The following TBC1D8 variants were observed in gnomAD, a reference collection of about 807,000 sequenced individuals.
TBC1D8 encodes BUB2-like protein 1.
TBC1D8 carries 65 observed loss-of-function variants against 118.8 expected under a neutral mutation model. The observed-to-expected ratio is 0.55, with a 90% confidence interval of 0.45 to 0.67. The LOEUF (loss-of-function observed/expected upper bound fraction) is 0.67, where lower values mean the gene tolerates loss of function less well. Among genes scored for constraint, TBC1D8 ranks in the 30% least tolerant of loss-of-function variants. TBC1D8 has a pLI of 0.00. For missense variants in TBC1D8, 1,376 were observed against 1,471.2 expected (o/e 0.94, Z 1.06); for synonymous variants, 566 against 595.8 (o/e 0.95, Z 0.73).
chr2:101,022,334 A>G lies in TBC1D8; in HGVS notation c.2708T>C (p.Leu903Ser), dbSNP rs1680080621. The G allele has an allele frequency of 2.5e-6, 4 of 1,612,670 alleles. No homozygotes were observed. The African/African-American group carries it at 5.3e-5, about 22-fold the overall frequency. The change falls in exon 16 of 20, where the codon TTG (leucine) becomes TCG (serine). Residue 903 changes from leucine to serine, a missense_variant. Physicochemically the swap from Leu to Ser is moderately radical, Grantham distance 145. Coordinates refer to ENST00000409318, the MANE Select transcript of TBC1D8 (RefSeq NM_001330348.2). ...GATGAGCTGGTCCATGTTGTCATCC[A>G]AGAGCCTGAACGTCCTTTCGGCGAG... ...EILAERTFRL[L>S]DDNMDQLIEF...
chr2:101,015,461 AC>A (rs1366271834), intron 17 of TBC1D8, among the ~76,000 whole-genome samples: 2 of 152,228 alleles, frequency 1.3e-5, no homozygotes, highest in South Asian at 2.1e-4. Flanking sequence ...GCTTACTGTA[AC>A]TTTTTACTTT....
chr2:101,090,343 T>C lies in TBC1D8; in HGVS notation c.149A>G (p.Asp50Gly), dbSNP rs751641906. Reference protein sequence around the residue: ...RLTGRLVGALDAVLDSNARVA... With the variant: ...RLTGRLVGALGAVLDSNARVA... Reference sequence around the variant, plus strand: ...CCGTGCATTGGAATCCAACACTGCATCCAGAGCGCCGACCAGGCGACCTTC... The same window carrying C: ...CCGTGCATTGGAATCCAACACTGCACCCAGAGCGCCGACCAGGCGACCTTC... The change falls in exon 2 of 20, where the codon GAT (aspartate) becomes GGT (glycine). Residue 50 changes from aspartate (D) to glycine (G), a missense_variant. Asp to Gly is a moderately conservative substitution (Grantham distance 94). Coordinates refer to ENST00000409318, the MANE Select transcript of TBC1D8 (RefSeq NM_001330348.2). The C allele has an allele frequency of 6.2e-7, 1 of 1,613,924 alleles. No homozygotes were observed. The highest frequency in any genetic ancestry group is 8.5e-7 in the Non-Finnish European group (1 of 1,179,860).
intron 1 of TBC1D8, among the ~76,000 whole-genome samples, chr2:101,121,416 G>C (rs931322804): frequency 6.6e-6 from 1 of 152,322 alleles, no homozygotes; most frequent in Admixed American, 6.5e-5. Flanking sequence ...GCTCAGGGAG[G>C]CTCTGTAGCT....
chr2:101,063,408 G>A (rs1682861148), intron 2 of TBC1D8, among the ~76,000 whole-genome samples: 1 of 152,132 alleles, frequency 6.6e-6, no homozygotes, highest in Non-Finnish European at 1.5e-5. Context: ...CTATCACTGA[G>A]CTATAGTAAG....
intron 19 of TBC1D8, among the ~76,000 whole-genome samples, chr2:101,008,776 A>G (rs1322714540): frequency 6.6e-6 from 1 of 151,744 alleles, no homozygotes; most frequent in Non-Finnish European, 1.5e-5. Context: ...ACACCATTGC[A>G]CTCCAGCCTG....
chr2:101,092,455 C>T (rs921952275), intron 1 of TBC1D8, among the ~76,000 whole-genome samples: 2 of 152,110 alleles, frequency 1.3e-5, no homozygotes, highest in African/African-American at 2.4e-5. Flanking sequence ...TTGAAATTAA[C>T]GAGTATTCTG....
At chr2:101,148,534 G>C (rs1257762322) in intron 1 of TBC1D8, among the ~76,000 whole-genome samples, 1 of 152,162 alleles carries the variant, frequency 6.6e-6, no homozygotes, top group Non-Finnish European at 1.5e-5. Flanking sequence ...GAGAGAGAGA[G>C]CATGTATATG....
In TBC1D8 at chr2:101,123,534, G is replaced by C. The variant is rs182564337; in HGVS notation, c.127+27593C>G. On this transcript the variant is annotated intron_variant, in intron 1 of 19. Coordinates refer to ENST00000409318, the MANE Select transcript of TBC1D8 (RefSeq NM_001330348.2). ...AAACCAGTGTGCACGGCTAAGTCAT[G>C]TACCTGATCTCACCTGCCCCCGTGA... Among the ~76,000 whole-genome samples, 933 of 152,218 alleles carry C rather than the reference G, an allele frequency of 6.1e-3. 3 individuals are homozygous for C. The highest frequency in any genetic ancestry group is 0.01 in the Non-Finnish European group (694 of 68,010).
chr2:101,086,976 G>A (rs535101181), intron 2 of TBC1D8, among the ~76,000 whole-genome samples: 2 of 152,064 alleles, frequency 1.3e-5, no homozygotes, highest in East Asian at 3.9e-4. Context: ...TAGAGATGGG[G>A]TTTCCCCATG....
chr2:101,118,505 G>A (rs1397962582), intron 1 of TBC1D8, among the ~76,000 whole-genome samples: 2 of 151,622 alleles, frequency 1.3e-5, no homozygotes, highest in East Asian at 1.9e-4. Flanking sequence ...GACCATCCTG[G>A]CTAACACGGT....
intron 1 of TBC1D8, among the ~76,000 whole-genome samples, chr2:101,107,692 T>C (rs557141019): frequency 6.6e-6 from 1 of 152,218 alleles, no homozygotes; most frequent in East Asian, 1.9e-4. Flanking sequence ...CAGGGCTCCT[T>C]GGAGAAATGG....
rs527790996 is a variant in TBC1D8, at chr2:101,045,765, G to A, written c.872+4636C>T. On this transcript the variant is annotated intron_variant, in intron 5 of 19. Coordinates refer to ENST00000409318, the MANE Select transcript of TBC1D8 (RefSeq NM_001330348.2). Reference sequence around the variant, plus strand: ...TCCCAGCGCTTTGGGAGGCCGAGGCGAGAGGATCACTTGAGACCAGGCGTT... The same window carrying A: ...TCCCAGCGCTTTGGGAGGCCGAGGCAAGAGGATCACTTGAGACCAGGCGTT... 3.3e-5 allele frequency among the ~76,000 whole-genome samples: 5 copies of A among 152,230 alleles called. No homozygotes were observed. In the East Asian group the frequency reaches 5.8e-4, roughly 18 times the overall value.
intron 1 of TBC1D8, among the ~76,000 whole-genome samples, chr2:101,127,669 C>G (rs557521282): frequency 1.3e-5 from 2 of 152,284 alleles, no homozygotes; most frequent in Admixed American, 1.3e-4. Flanking sequence ...TCCCAAAGTG[C>G]TGGGATTACA....
At chr2:101,089,435 G>C (rs985630468) in intron 2 of TBC1D8, among the ~76,000 whole-genome samples, 2 of 149,968 alleles carry the variant, frequency 1.3e-5, no homozygotes, top group Non-Finnish European at 3.0e-5. Context: ...AAAAAAAAAA[G>C]ATGTTTTGGT....
chr2:101,087,367 T>C (rs1675707250), intron 2 of TBC1D8, among the ~76,000 whole-genome samples: 1 of 151,908 alleles, frequency 6.6e-6, no homozygotes, highest in Admixed American at 6.6e-5. Flanking sequence ...CCGGATGCAG[T>C]GGCTCACACC....
intron 1 of TBC1D8, among the ~76,000 whole-genome samples, chr2:101,133,178 A>G (rs1214897585): frequency 1.3e-5 from 2 of 151,074 alleles, no homozygotes; most frequent in Middle Eastern, 3.4e-3. Context: ...AAAAAAAAGT[A>G]TATCTCTCTG....
At chr2:101,032,186 A>G in intron 11 of TBC1D8, 82 bp downstream of exon 11, 1 of 1,317,232 alleles carries the variant, frequency 7.6e-7, no homozygotes, top group Non-Finnish European at 1.1e-6. Context: ...GAGATTTTAT[A>G]AACAGGACTG....
rs34909669 is a variant in TBC1D8, at chr2:101,140,760, CTTTT to C, written c.127+10363_127+10366del. On this transcript the variant is annotated intron_variant, in intron 1 of 19. Transcript: ENST00000409318. Reference sequence around the variant, plus strand: ...TCCAAATAACACATCTATATTACTACTTTTTTTTTTTTTTTTTTTGAGACAGAGT... The same window carrying C: ...TCCAAATAACACATCTATATTACTACTTTTTTTTTTTTTTTGAGACAGAGT... 4.9e-3 allele frequency among the ~76,000 whole-genome samples: 640 copies of C among 131,244 alleles called. 2 individuals are homozygous for C. Among genetic ancestry groups the C allele is most frequent in the African/African-American group, 0.016 (583 of 36,204 alleles). The allele number at this position is 131,244 out of a possible 152,430, so 86.1% of individuals were successfully genotyped here.
intron 9 of TBC1D8, 143 bp downstream of exon 9, chr2:101,035,875 A>C: frequency 1.0e-6 from 1 of 999,818 alleles, no homozygotes; most frequent in Non-Finnish European, 1.4e-6. Flanking sequence ...AGGGAGTGGA[A>C]GTCCTCAGCT....
Sources: gnomAD v4.1 joint callset for allele counts (sites outside exome capture counted in the v4.1 genomes callset) on GRCh38, gnomAD v4.1.1 for gene constraint, MANE v1.5 for transcripts, NCBI Gene and HGNC (gene_info 2026-07-23, HGNC 2026-07-21) for gene names.